The following CNTN6 variants were observed in gnomAD, a reference collection of about 807,000 sequenced individuals.
CNTN6 encodes contactin 6, also known as contactin-6.
CNTN6 carries 137 observed loss-of-function variants against 122.8 expected under a neutral mutation model. The ratio of observed to expected loss-of-function variants is 1.12; its 90% CI spans 0.97 to 1.29. The LOEUF is 1.29. CNTN6 is among the 50% of genes most tolerant of loss of function. The pLI, the probability that CNTN6 is intolerant of heterozygous loss-of-function variation, is 0.00. For synonymous variants in CNTN6, 570 were observed against 426.0 expected (o/e 1.34, Z -4.16); for missense variants, 1,634 against 1,223.4 (o/e 1.34, Z -5.01).
intron 1 of CNTN6, among the ~76,000 whole-genome samples, chr3:1,095,377 A>G (rs770363480): frequency 5.9e-5 from 9 of 152,290 alleles, no homozygotes; most frequent in Admixed American, 3.9e-4. Context: ...AAGCTGAGGC[A>G]GGAGAATCAC....
intron 1 of CNTN6, among the ~76,000 whole-genome samples, chr3:1,093,832 A>G (rs781177893): frequency 7.2e-5 from 11 of 152,324 alleles, no homozygotes; most frequent in Non-Finnish European, 1.5e-4. Flanking sequence ...AAGAGCTCTG[A>G]GATTAGCCAC....
rs143838495 is a variant in CNTN6, at chr3:1,258,278, A to G, written c.359-20135A>G. 5.5e-3 allele frequency among the ~76,000 whole-genome samples: 832 copies of G among 152,280 alleles called. 4 individuals are homozygous for G. Among genetic ancestry groups the G allele is most frequent in the Middle Eastern group, 0.014 (4 of 294 alleles). On this transcript the variant is annotated intron_variant, in intron 4 of 22. Transcript: ENST00000446702. ...TACTTTCATTGTAGCAGTATGACTGAAATTCCAATAAATTATTGAATGCAA... is the reference window on the plus strand; with the variant it reads ...TACTTTCATTGTAGCAGTATGACTGGAATTCCAATAAATTATTGAATGCAA...
chr3:1,285,084 G>T (rs958607424), intron 5 of CNTN6, among the ~76,000 whole-genome samples: 4 of 152,334 alleles, frequency 2.6e-5, no homozygotes, highest in African/African-American at 9.6e-5. Context: ...AGAGGGGCAA[G>T]AACATAAGCA....
At chr3:1,344,190 G>A (rs576631361) in intron 11 of CNTN6, among the ~76,000 whole-genome samples, 12 of 152,148 alleles carry the variant, frequency 7.9e-5, no homozygotes, top group African/African-American at 2.6e-4. Context: ...GTGGGGTTCC[G>A]CAGGAAACAG....
rs1326853792 is a variant in CNTN6 at position 1,383,173 on chromosome 3, G to A, written c.2398G>A (p.Asp800Asn). 5 of 1,611,630 alleles carry A rather than the reference G, an allele frequency of 3.1e-6. No homozygotes were observed. Among genetic ancestry groups the A allele is most frequent in the South Asian group, 1.1e-5 (1 of 91,014 alleles). Residue 800 changes from aspartate (D) to asparagine (N), a missense_variant, in exon 18 of 23, where the codon GAT (aspartate) becomes AAT (asparagine). By Grantham distance (23) the Asp-to-Asn change is conservative. Coordinates refer to ENST00000446702, the MANE Select transcript of CNTN6 (RefSeq NM_001289080.2). The stretch of plus-strand genomic sequence containing the variant: ...TGTGACCATTGTCTACTCTGGGGAA[G>A]ATGGTAAGTTGTCCTCAACTCTGGT... ...STVTIVYSGEDEPQLAPRGTS... is the reference protein window; with the variant it reads ...STVTIVYSGENEPQLAPRGTS...
At chr3:1,361,316 G>A (rs998366089) in intron 12 of CNTN6, among the ~76,000 whole-genome samples, 3 of 152,174 alleles carry the variant, frequency 2.0e-5, no homozygotes, top group African/African-American at 7.2e-5. Flanking sequence ...CCTTCTAGAA[G>A]CTACAATGTT....
intron 4 of CNTN6, among the ~76,000 whole-genome samples, chr3:1,259,864 C>G (rs943501904): frequency 6.7e-6 from 1 of 149,002 alleles, no homozygotes; most frequent in Non-Finnish European, 1.5e-5. Context: ...TATACATACA[C>G]ACACATACAT....
At chr3:1,218,376 G>C (rs1021921334) in intron 2 of CNTN6, among the ~76,000 whole-genome samples, 2 of 152,090 alleles carry the variant, frequency 1.3e-5, no homozygotes, top group Admixed American at 6.5e-5. Flanking sequence ...ATCCATGTAG[G>C]AATATGTCTG....
At chr3:1,327,256 A>G (rs777706351) in intron 9 of CNTN6, among the ~76,000 whole-genome samples, 1 of 151,860 alleles carries the variant, frequency 6.6e-6, no homozygotes, top group African/African-American at 2.4e-5. Flanking sequence ...ATAACATAAA[A>G]CACACTAGTA....
chr3:1,197,165 G>C (rs962716570), intron 2 of CNTN6, among the ~76,000 whole-genome samples: 1 of 152,142 alleles, frequency 6.6e-6, no homozygotes, highest in Non-Finnish European at 1.5e-5. Flanking sequence ...GACATAATTG[G>C]CTATTAGTCA....
chr3:1,237,184 A>G (rs547585837), intron 4 of CNTN6, among the ~76,000 whole-genome samples: 2 of 152,230 alleles, frequency 1.3e-5, no homozygotes, highest in Admixed American at 1.3e-4. Context: ...TGAAATAGAT[A>G]GTATAAATAA....
chr3:1,270,742 G>A (rs556699442), intron 4 of CNTN6, among the ~76,000 whole-genome samples: 15 of 152,248 alleles, frequency 9.9e-5, no homozygotes, highest in South Asian at 8.3e-4. Context: ...TAGACCTAAC[G>A]TCTTTGAAGT....
At chr3:1,321,051 C>A (rs1314883135) in intron 7 of CNTN6, among the ~76,000 whole-genome samples, 1 of 151,218 alleles carries the variant, frequency 6.6e-6, no homozygotes, top group Non-Finnish European at 1.5e-5. Flanking sequence ...GATCATAGAG[C>A]CTATTTACCA....
chr3:1,318,518 A>T (rs1240621738), intron 7 of CNTN6, among the ~76,000 whole-genome samples: 1 of 151,868 alleles, frequency 6.6e-6, no homozygotes, highest in Non-Finnish European at 1.5e-5. Flanking sequence ...ACCTGAAAGT[A>T]TAATTTTTTG....
intron 5 of CNTN6, among the ~76,000 whole-genome samples, chr3:1,287,380 G>A (rs182093056): frequency 3.3e-5 from 5 of 152,106 alleles, no homozygotes. Context: ...ACTTCTAGAG[G>A]GCAAAACTAT....
intron 1 of CNTN6, among the ~76,000 whole-genome samples, chr3:1,093,409 G>C (rs1441076518): frequency 6.6e-6 from 1 of 152,188 alleles, no homozygotes; most frequent in Non-Finnish European, 1.5e-5. Context: ...ACTAGTCTTT[G>C]CTGCAGTAAA....
chr3:1,329,213 GTA>G (rs761054506), intron 10 of CNTN6, among the ~76,000 whole-genome samples: 3 of 150,250 alleles, frequency 2.0e-5, no homozygotes, highest in South Asian at 2.1e-4. Context: ...GCATATACAT[GTA>G]TATATATGGA....
chr3:1,387,591 C>G (rs1693232005), intron 20 of CNTN6, among the ~76,000 whole-genome samples: 1 of 152,296 alleles, frequency 6.6e-6, no homozygotes, highest in East Asian at 1.9e-4. Context: ...CGAATAGGAA[C>G]AGCTCCGGTC....
At chr3:1,328,493 CATTT>C (rs1701841428) in intron 10 of CNTN6, among the ~76,000 whole-genome samples, 1 of 151,736 alleles carries the variant, frequency 6.6e-6, no homozygotes, top group Non-Finnish European at 1.5e-5. Context: ...TTTGATTGAA[CATTT>C]ATTATGTACT....
Sources: allele counts gnomAD v4.1 joint callset (sites outside exome capture counted in the v4.1 genomes callset), GRCh38; gene constraint gnomAD v4.1.1; transcripts MANE v1.5; gene names NCBI Gene and HGNC (gene_info 2026-07-23, HGNC 2026-07-21).